The following SMOC1 variants were observed in gnomAD, a reference collection of about 807,000 sequenced individuals.
SMOC1 encodes the protein SPARC related modular calcium binding 1.
SMOC1 carries 22 observed loss-of-function variants against 56.3 expected under a neutral mutation model. The observed-to-expected ratio is 0.39, with a 90% CI of 0.28 to 0.56. SMOC1 has a LOEUF of 0.56. Among genes scored for constraint, SMOC1 ranks in the 20% least tolerant of loss-of-function variants. The pLI, the probability that SMOC1 is intolerant of heterozygous loss-of-function variation, is 0.61. For synonymous variants in SMOC1, 193 were observed against 215.0 expected, an observed-to-expected ratio of 0.90 and a Z score of 0.89; for missense variants, 509 against 565.4, an observed-to-expected ratio of 0.90 and a Z score of 1.01.
intron 10 of SMOC1, among the ~76,000 whole-genome samples, chr14:70,018,702 C>T (rs1885605971): frequency 6.6e-6 from 1 of 152,202 alleles, no homozygotes; most frequent in Admixed American, 6.5e-5. Flanking sequence ...TCACCCTCCC[C>T]CAGGGAAAGT....
rs528673871 is a variant in SMOC1 at position 69,952,189 on chromosome 14, C to G, written c.151C>G (p.Gln51Glu). The change falls in exon 2 of 12, where the codon CAA (glutamine) becomes GAA (glutamate). Residue 51 changes from glutamine to glutamate, a missense_variant. Physicochemically the swap from Gln to Glu is conservative, Grantham distance 29 (BLOSUM62 2). Around this residue, in one of 3 missense-constraint regions of SMOC1, gnomAD observed 315 missense variants for 333.1 expected, o/e 0.95. Transcript: ENST00000361956. The part of the protein sequence containing the change: ...PQCNLHCSRT[Q>E]PKPICASDGR... ...GTGCAACCTCCACTGCTCCAGGACT[C>G]AACCCAAACCCATCTGTGCCTCTGA... The G allele has an allele frequency of 1.3e-5, 21 of 1,614,214 alleles. No homozygotes were observed. The African/African-American group carries it at 1.3e-4, about 10-fold the overall frequency.
intron 1 of SMOC1, among the ~76,000 whole-genome samples, chr14:69,886,292 T>C (rs1218618092): frequency 1.3e-5 from 2 of 152,226 alleles, no homozygotes; most frequent in African/African-American, 2.4e-5. Flanking sequence ...TAGCATTTCA[T>C]GCATGATCTG....
At chr14:69,963,999 C>T (rs1269405669) in intron 3 of SMOC1, among the ~76,000 whole-genome samples, 2 of 152,174 alleles carry the variant, frequency 1.3e-5, no homozygotes, top group African/African-American at 4.8e-5. Flanking sequence ...AACACTGTCT[C>T]CATTGTGCTC....
chr14:69,993,972 C>T (rs1884667691), intron 6 of SMOC1, among the ~76,000 whole-genome samples: 1 of 152,164 alleles, frequency 6.6e-6, no homozygotes, highest in Admixed American at 6.5e-5. Context: ...TCCTTTCTTT[C>T]CCACCTGGAG....
chr14:69,941,584 G>T (rs941388012), intron 1 of SMOC1, among the ~76,000 whole-genome samples: 1 of 152,146 alleles, frequency 6.6e-6, no homozygotes, highest in East Asian at 1.9e-4. Flanking sequence ...CCTTGCCAAA[G>T]ATTTCCAAAG....
At chr14:69,879,801 C>A in intron 1 of SMOC1, 24 bp downstream of exon 1, 1 of 1,567,114 alleles carries the variant, frequency 6.4e-7, no homozygotes, top group Non-Finnish European at 8.6e-7. Flanking sequence ...CAGCTTTGCG[C>A]CCACCTGCGG....
At chr14:69,953,595 A>C in intron 3 of SMOC1, 63 bp downstream of exon 3, 1 of 1,401,234 alleles carries the variant, frequency 7.1e-7, no homozygotes, top group Non-Finnish European at 1.0e-6. Flanking sequence ...AGGTGTCCCG[A>C]GAGCGCGAGG....
chr14:70,003,383 G>A (rs1437099310), intron 7 of SMOC1, among the ~76,000 whole-genome samples: 2 of 152,126 alleles, frequency 1.3e-5, no homozygotes, highest in Non-Finnish European at 2.9e-5. Context: ...GTGCTTGATG[G>A]TCTGAGGGTT....
At chr14:69,959,985 A>G (rs991282722) in intron 3 of SMOC1, among the ~76,000 whole-genome samples, 1 of 152,072 alleles carries the variant, frequency 6.6e-6, no homozygotes, top group African/African-American at 2.4e-5. Flanking sequence ...CATCTTCCTG[A>G]CGTCACCCCT....
chr14:69,924,625 A>AG (rs981889459), intron 1 of SMOC1, among the ~76,000 whole-genome samples: 1 of 150,888 alleles, frequency 6.6e-6, no homozygotes, highest in Non-Finnish European at 1.5e-5. Flanking sequence ...TGTCTTGTAC[A>AG]GGGGAGGTAG....
In SMOC1 at chr14:69,998,806, G is replaced by A. The variant is rs73290746; in HGVS notation, c.664+4326G>A. On this transcript the variant is annotated intron_variant, in intron 7 of 11. Transcript: ENST00000361956. Reference sequence around the variant, plus strand: ...CTGTGGCCTCAAGTGGAGTAGAGAGGTGTGACTTCCCTCTTTGTTTTGTCA... The same window carrying A: ...CTGTGGCCTCAAGTGGAGTAGAGAGATGTGACTTCCCTCTTTGTTTTGTCA... Among the ~76,000 whole-genome samples, 1,150 of 152,304 alleles carry A rather than the reference G, an allele frequency of 7.6e-3. 17 individuals are homozygous for A. The highest frequency in any genetic ancestry group is 0.026 in the African/African-American group (1,081 of 41,564).
intron 1 of SMOC1, among the ~76,000 whole-genome samples, chr14:69,947,087 G>GTTCCTT (rs1882810025): frequency 1.4e-5 from 2 of 143,360 alleles, no homozygotes; most frequent in African/African-American, 2.6e-5. Context: ...TCTCAGGCCG[G>GTTCCTT]CCTTCCTTCC....
intron 1 of SMOC1, among the ~76,000 whole-genome samples, chr14:69,918,192 G>C (rs901265150): frequency 6.6e-6 from 1 of 151,668 alleles, no homozygotes; most frequent in Non-Finnish European, 1.5e-5. Context: ...GAGTTGCTGT[G>C]CTGTGTAATA....
chr14:69,969,710 G>A (rs940730625), intron 3 of SMOC1, among the ~76,000 whole-genome samples: 4 of 152,142 alleles, frequency 2.6e-5, no homozygotes, highest in African/African-American at 9.7e-5. Flanking sequence ...TGCTGCAAAT[G>A]GTATCTTCCT....
intron 5 of SMOC1, among the ~76,000 whole-genome samples, chr14:69,984,914 C>T (rs142956137): frequency 0.1 from 15,893 of 151,482 alleles, 969 homozygotes; most frequent in Non-Finnish European, 0.13. Context: ...TGGTGATGTG[C>T]ACCTGTAATC....
chr14:69,948,095 G>T (rs1349947559), intron 1 of SMOC1, among the ~76,000 whole-genome samples: 2 of 152,206 alleles, frequency 1.3e-5, no homozygotes, highest in Non-Finnish European at 2.9e-5. Flanking sequence ...ATTGAGTACA[G>T]AGCAGTTGAA....
chr14:69,909,757 T>TAAA (rs1429292294), intron 1 of SMOC1, among the ~76,000 whole-genome samples: 1 of 152,192 alleles, frequency 6.6e-6, no homozygotes, highest in Non-Finnish European at 1.5e-5. Context: ...TGAAAACACT[T>TAAA]AAAAAATCTG....
At chr14:69,905,148 G>C (rs746123078) in intron 1 of SMOC1, among the ~76,000 whole-genome samples, 1 of 152,166 alleles carries the variant, frequency 6.6e-6, no homozygotes, top group East Asian at 1.9e-4. Flanking sequence ...ACAATATGAT[G>C]ATGGGAAGAG....
chr14:69,896,414 T>C (rs532928245), intron 1 of SMOC1, among the ~76,000 whole-genome samples: 55 of 152,320 alleles, frequency 3.6e-4, no homozygotes, highest in African/African-American at 1.2e-3. Context: ...TTCAGCTTCC[T>C]CTTCAAGAAA....
Sources: allele counts gnomAD v4.1 joint callset (sites outside exome capture counted in the v4.1 genomes callset), GRCh38; gene constraint gnomAD v4.1.1; regional missense constraint gnomAD v4.1.1; transcripts MANE v1.5; gene names NCBI Gene and HGNC (gene_info 2026-07-23, HGNC 2026-07-21).